KIAA1958: variants seen among roughly 807,000 people sequenced by gnomAD.
The protein encoded by KIAA1958 is KIAA1958.
A neutral mutation model predicts 47.2 loss-of-function variants in KIAA1958; 14 were observed. The observed-to-expected ratio is 0.30, with a 90% CI of 0.20 to 0.46. The LOEUF is 0.46. Ranked by LOEUF, KIAA1958 falls within the 20% of genes least tolerant of loss-of-function variation. KIAA1958 has a pLI of 1.00. For synonymous variants in KIAA1958, 354 were observed against 353.3 expected, an observed-to-expected ratio of 1.00 and a Z score of -0.02; for missense variants, 803 against 909.2, an observed-to-expected ratio of 0.88 and a Z score of 1.50.
In KIAA1958 at chr9:112,663,432, A is replaced by G. The variant is rs1177228427; in HGVS notation, c.*3363A>G. ...TTTTGGTAATAATTAATATTATTTA[A>G]CTAATTTGCATTATACCACTTATTT... On this transcript the variant is annotated 3_prime_UTR_variant, in exon 4 of 4. Transcript: ENST00000337530. 1 of 152,246 alleles carries G rather than the reference A, an allele frequency of 6.6e-6. No individual in the cohort carries two copies. The highest frequency in any genetic ancestry group is 1.5e-5 in the Non-Finnish European group (1 of 68,046). The allele number at this position is 152,246 out of a possible 1,614,324, so 9.4% of individuals were successfully genotyped here. A position where few individuals can be genotyped will look rare whatever the true frequency, so the allele number is the denominator to read the frequency against.
rs60299333 is a variant in KIAA1958 at position 112,492,916 on chromosome 9, C to CTTT, written c.-25+5816_-25+5818dup. ...AGGTGCACACCCAGAGCCCAGCTCA[C>CTTT]TTTTTTTTTTTTTTTTTTTTGTAGA... On this transcript the variant is annotated intron_variant, in intron 1 of 3. Transcript: ENST00000337530. Among the ~76,000 whole-genome samples, 93 of 114,132 alleles carry CTTT rather than the reference C, an allele frequency of 8.1e-4. 1 individual carries two copies. Among genetic ancestry groups the CTTT allele is most frequent in the African/African-American group, 1.2e-3 (35 of 28,974 alleles). The allele number at this position is 114,132 out of a possible 152,430, so 74.9% of individuals were successfully genotyped here. A position where few individuals can be genotyped will look rare whatever the true frequency, so the allele number is the denominator to read the frequency against.
chr9:112,626,802 T>G (rs1237632805), intron 2 of KIAA1958, among the ~76,000 whole-genome samples: 2 of 149,966 alleles, frequency 1.3e-5, no homozygotes, highest in Non-Finnish European at 3.0e-5. Flanking sequence ...AAATAACTTT[T>G]GTTTTATAAA....
intron 1 of KIAA1958, among the ~76,000 whole-genome samples, chr9:112,570,362 T>C (rs926617290): frequency 1.3e-5 from 2 of 152,178 alleles, no homozygotes; most frequent in African/African-American, 4.8e-5. Flanking sequence ...CGGGGAGATT[T>C]CTTGCACTTT....
chr9:112,541,083 T>C (rs539675374), intron 1 of KIAA1958, among the ~76,000 whole-genome samples: 1 of 152,246 alleles, frequency 6.6e-6, no homozygotes, highest in East Asian at 1.9e-4. Flanking sequence ...TTACTTTTTT[T>C]CTAGGTAAAC....
intron 2 of KIAA1958, among the ~76,000 whole-genome samples, chr9:112,603,572 C>T (rs1836173378): frequency 6.6e-6 from 1 of 152,148 alleles, no homozygotes; most frequent in Admixed American, 6.6e-5. Context: ...TTTGACTTCT[C>T]TCTCCTCTCC....
At chr9:112,614,588 C>G (rs1235051121) in intron 2 of KIAA1958, among the ~76,000 whole-genome samples, 1 of 152,146 alleles carries the variant, frequency 6.6e-6, no homozygotes, top group Non-Finnish European at 1.5e-5. Context: ...ATTTCTTTCC[C>G]TCTTACTCAT....
intron 2 of KIAA1958, among the ~76,000 whole-genome samples, chr9:112,611,099 C>A (rs549464252): frequency 1.3e-5 from 2 of 152,190 alleles, no homozygotes; most frequent in African/African-American, 4.8e-5. Context: ...ATCAATATAT[C>A]TGTATCATTT....
chr9:112,505,072 T>C (rs973920761), intron 1 of KIAA1958, among the ~76,000 whole-genome samples: 5 of 152,244 alleles, frequency 3.3e-5, no homozygotes, highest in African/African-American at 1.2e-4. Flanking sequence ...GTCTCTGTTA[T>C]CTGTCTTTCC....
chr9:112,581,440 C>T (rs2131181042), intron 2 of KIAA1958, among the ~76,000 whole-genome samples: 1 of 152,164 alleles, frequency 6.6e-6, no homozygotes, highest in Non-Finnish European at 1.5e-5. Context: ...GTCCGTGGAC[C>T]AGTATCACCA....
chr9:112,568,026 T>C (rs918408428), intron 1 of KIAA1958, among the ~76,000 whole-genome samples: 3 of 151,586 alleles, frequency 2.0e-5, no homozygotes, highest in African/African-American at 7.3e-5. Context: ...AGGATACTTA[T>C]TTTACATTTT....
chr9:112,658,596 C>T (rs187884497), intron 3 of KIAA1958, among the ~76,000 whole-genome samples: 25 of 152,252 alleles, frequency 1.6e-4, no homozygotes, highest in African/African-American at 5.3e-4. Flanking sequence ...CACCCTTTCA[C>T]GGTCCTCTGC....
At chr9:112,494,349 TTA>T (rs1834018353) in intron 1 of KIAA1958, among the ~76,000 whole-genome samples, 1 of 152,128 alleles carries the variant, frequency 6.6e-6, no homozygotes, top group Admixed American at 6.5e-5. Flanking sequence ...GGGCCTCCTA[TTA>T]TATGTATGTT....
chr9:112,587,959 T>G (rs989160728), intron 2 of KIAA1958, among the ~76,000 whole-genome samples: 1 of 152,194 alleles, frequency 6.6e-6, no homozygotes, highest in African/African-American at 2.4e-5. Context: ...AATTTGATTG[T>G]TGGGTTATTA....
intron 2 of KIAA1958, among the ~76,000 whole-genome samples, chr9:112,595,015 T>C (rs559563111): frequency 6.6e-6 from 1 of 152,270 alleles, no homozygotes; most frequent in South Asian, 2.1e-4. Flanking sequence ...ATATTTAATA[T>C]AAGAGTTTTA....
intron 2 of KIAA1958, among the ~76,000 whole-genome samples, chr9:112,607,963 T>C (rs1400120282): frequency 6.6e-6 from 1 of 152,154 alleles, no homozygotes; most frequent in Non-Finnish European, 1.5e-5. Flanking sequence ...TGTAAAGATA[T>C]TCTCAAGAAC....
chr9:112,659,570 G>A lies in KIAA1958; in HGVS notation c.1652G>A (p.Ser551Asn), dbSNP rs754061043. The A allele has an allele frequency of 1.9e-6, 3 of 1,613,106 alleles. No homozygotes were observed. In the Admixed American group the frequency reaches 5.0e-5, roughly 27 times the overall value. ...MWQAGCLGDD[S>N]PITLLSTVVK... ...CAGGCAGGGTGTCTGGGGGATGACA[G>A]CCCTATCACTCTCCTGTCCACTGTG... Residue 551 changes from serine (S) to asparagine (N), a missense_variant, in exon 4 of 4, where the codon AGC (serine) becomes AAC (asparagine). Transcript: ENST00000337530.
intron 2 of KIAA1958, among the ~76,000 whole-genome samples, chr9:112,586,704 T>C (rs1482507811): frequency 6.6e-6 from 1 of 152,220 alleles, no homozygotes; most frequent in African/African-American, 2.4e-5. Context: ...AATGCAGCAA[T>C]CTAGCAAATA....
rs756941670 is a variant in KIAA1958, at chr9:112,659,574, T to C, written c.1656T>C (p.Pro552=). 5.0e-6 allele frequency: 8 copies of C among 1,613,260 alleles called. No homozygotes were observed. In the Admixed American group the frequency reaches 1.2e-4, roughly 24 times the overall value. ...WQAGCLGDDS[P]ITLLSTVVKY... is the part of the protein sequence containing the mutation. ...CAGGGTGTCTGGGGGATGACAGCCC[T>C]ATCACTCTCCTGTCCACTGTGGTCA... Residue 552 remains proline (P), a synonymous_variant, in exon 4 of 4, where the codon CCT becomes CCC. Coordinates refer to ENST00000337530, the MANE Select transcript of KIAA1958 (RefSeq NM_133465.4).
chr9:112,622,454 C>G (rs970892888), intron 2 of KIAA1958, among the ~76,000 whole-genome samples: 2 of 152,156 alleles, frequency 1.3e-5, no homozygotes, highest in African/African-American at 4.8e-5. Context: ...GTGAGTGACT[C>G]TTGAAAACCA....
Sources: gnomAD v4.1 joint callset for allele counts (sites outside exome capture counted in the v4.1 genomes callset) on GRCh38, gnomAD v4.1.1 for gene constraint, MANE v1.5 for transcripts, NCBI Gene and HGNC (gene_info 2026-07-23, HGNC 2026-07-21) for gene names.